DMD: variants seen among roughly 807,000 people sequenced by gnomAD.
The protein encoded by DMD is dystrophin, also known as mutant dystrophin.
DMD carries 63 observed loss-of-function variants against 330.1 expected under a neutral mutation model. The observed-to-expected ratio is 0.19, with a 90% CI of 0.16 to 0.24. The LOEUF is 0.24. Ranked by LOEUF, DMD falls within the 10% of genes least tolerant of loss-of-function variation. The probability of loss-of-function intolerance (pLI) is 1.00; values close to 1 mark genes in which losing one functional copy is unlikely to be tolerated. For synonymous variants in DMD, 1,223 were observed against 959.8 expected (o/e 1.27, Z -5.07); for missense variants, 3,344 against 2,684.1 (o/e 1.25, Z -5.43).
At chrX:32,432,284 A>T (rs2098241550) in intron 29 of DMD, among the ~76,000 whole-genome samples, 2 of 111,527 alleles carry the variant, frequency 1.8e-5, no homozygotes, top group Non-Finnish European at 3.8e-5. Flanking sequence ...CCAGAGGATC[A>T]TATTTCTTTT....
chrX:31,498,136 C>G (rs1387226153), intron 56 of DMD, among the ~76,000 whole-genome samples: 1 of 111,611 alleles, frequency 9.0e-6, no homozygotes, highest in Non-Finnish European at 1.9e-5. Context: ...AAGACAATGA[C>G]CCACAGGCTT....
rs2079485585 is a variant in DMD, at chrX:31,637,530, C to T, written c.8028-9668G>A. Among the ~76,000 whole-genome samples, 2 of 110,844 alleles carry T rather than the reference C, an allele frequency of 1.8e-5. 1 individual carries two copies. The highest frequency in any genetic ancestry group is 6.5e-5 in the African/African-American group (2 of 30,535). Reference sequence around the variant, plus strand: ...TTACTATAGTCTGGATATTCATCATCGTCATCACCATTCATCAACCACAAC... The same window carrying T: ...TTACTATAGTCTGGATATTCATCATTGTCATCACCATTCATCAACCACAAC... On this transcript the variant is annotated intron_variant, in intron 54 of 78. Transcript: ENST00000357033.
At chrX:32,344,656 A>T (rs1194888504) in intron 39 of DMD, among the ~76,000 whole-genome samples, 1 of 111,451 alleles carries the variant, frequency 9.0e-6, no homozygotes, top group East Asian at 2.8e-4. Context: ...GTGGTCATCA[A>T]TCTGAAACAT....
chrX:32,682,379 G>A (rs770110043), intron 9 of DMD, among the ~76,000 whole-genome samples: 39 of 111,304 alleles, frequency 3.5e-4, no homozygotes, highest in Non-Finnish European at 3.8e-4. Context: ...CATGTGTCCC[G>A]TGACCGACTG....
At chrX:32,087,942 G>T (rs2096451131) in intron 44 of DMD, among the ~76,000 whole-genome samples, 1 of 112,180 alleles carries the variant, frequency 8.9e-6, no homozygotes, top group South Asian at 3.7e-4. Flanking sequence ...AATCTGACAT[G>T]AATTCTATAA....
rs181100727 is a variant in DMD, at chrX:31,813,954, T to A, written c.7309+6021A>T. Among the ~76,000 whole-genome samples the A allele has an allele frequency of 1.9e-4, 21 of 111,562 alleles. No individual in the cohort carries two copies. The East Asian group carries it at 5.9e-3, about 32-fold the overall frequency. On this transcript the variant is annotated intron_variant, in intron 50 of 78. Transcript: ENST00000357033. Reference sequence around the variant, plus strand: ...TGTCCCTTTATTTAGGTATTGTCTGTGGCTTTTAGTATACAATGACAGAGT... The same window carrying A: ...TGTCCCTTTATTTAGGTATTGTCTGAGGCTTTTAGTATACAATGACAGAGT...
At chrX:32,351,707 GC>G (rs1301504629) in intron 37 of DMD, among the ~76,000 whole-genome samples, 5 of 110,345 alleles carry the variant, frequency 4.5e-5, no homozygotes, top group Non-Finnish European at 5.7e-5. Flanking sequence ...ATTTCAAGGA[GC>G]TTTTTTAGTG....
chrX:32,758,090 A>T (rs965919153), intron 7 of DMD, among the ~76,000 whole-genome samples: 1 of 112,095 alleles, frequency 8.9e-6, no homozygotes, highest in Non-Finnish European at 1.9e-5. Flanking sequence ...CAACAATGTT[A>T]TCTTTATTAG....
chrX:32,305,283 T>C (rs1157134963), intron 42 of DMD, among the ~76,000 whole-genome samples: 2 of 111,386 alleles, frequency 1.8e-5, no homozygotes, highest in South Asian at 3.7e-4. Context: ...AGGAGAAAGA[T>C]CTTAACCAGT....
chrX:31,258,266 C>T (rs745752479), intron 63 of DMD, among the ~76,000 whole-genome samples: 4 of 112,515 alleles, frequency 3.6e-5, no homozygotes, highest in East Asian at 5.6e-4. Flanking sequence ...AGCCTGGCTT[C>T]GCTGTCCTGT....
At chrX:32,504,972 G>A (rs1328215060) in intron 18 of DMD, among the ~76,000 whole-genome samples, 1 of 112,049 alleles carries the variant, frequency 8.9e-6, no homozygotes, top group Non-Finnish European at 1.9e-5. Flanking sequence ...TTGTGTAACT[G>A]CTTGAAAGTA....
chrX:32,358,763 C>T (rs1286946178), intron 37 of DMD, among the ~76,000 whole-genome samples: 1 of 111,070 alleles, frequency 9.0e-6, no homozygotes, highest in Non-Finnish European at 1.9e-5. Context: ...ATCAGCAATT[C>T]TTTCATTTTT....
intron 13 of DMD, among the ~76,000 whole-genome samples, chrX:32,593,046 G>C (rs189338749): frequency 8.9e-6 from 1 of 112,755 alleles, no homozygotes; most frequent in Admixed American, 9.3e-5. Context: ...TCTGTGCCTG[G>C]CTTGCCCTTG....
At chrX:33,014,125 A>G (rs1198952943) in intron 2 of DMD, among the ~76,000 whole-genome samples, 2 of 111,680 alleles carry the variant, frequency 1.8e-5, no homozygotes, top group Non-Finnish European at 3.8e-5. Context: ...GAAATTTGCA[A>G]TCAGTCAGAT....
intron 55 of DMD, among the ~76,000 whole-genome samples, chrX:31,541,699 G>GAT (rs2073838208): frequency 2.7e-5 from 3 of 110,553 alleles, no homozygotes; most frequent in Non-Finnish European, 3.8e-5. Flanking sequence ...AGTATTCCAT[G>GAT]ATATATATGT....
At chrX:32,902,567 T>C (rs1267193796) in intron 2 of DMD, among the ~76,000 whole-genome samples, 1 of 110,801 alleles carries the variant, frequency 9.0e-6, no homozygotes, top group Admixed American at 9.6e-5. Flanking sequence ...TGAACTCTTA[T>C]AAAGCATTCA....
intron 44 of DMD, among the ~76,000 whole-genome samples, chrX:31,972,994 G>A (rs985292991): frequency 8.0e-5 from 9 of 111,899 alleles, no homozygotes; most frequent in Admixed American, 3.8e-4. Flanking sequence ...CTAATTATTA[G>A]AAAATATAGC....
At chrX:33,322,452 T>G (rs375269422) in intron 1 of DMD, among the ~76,000 whole-genome samples, 123 of 111,110 alleles carry the variant, frequency 1.1e-3, no homozygotes, top group African/African-American at 3.9e-3. Flanking sequence ...AGTTTGTTAT[T>G]TCATATGGGC....
chrX:33,314,570 G>GTTTTTTT (rs1170142842), intron 1 of DMD, among the ~76,000 whole-genome samples: 1 of 79,052 alleles, frequency 1.3e-5, no homozygotes, highest in Non-Finnish European at 2.3e-5. Flanking sequence ...TTTTTTTTTT[G>GTTTTTTT]TTTTTTTTTT....
Sources: gnomAD v4.1 joint callset for allele counts (sites outside exome capture counted in the v4.1 genomes callset) on GRCh38, gnomAD v4.1.1 for gene constraint, MANE v1.5 for transcripts, NCBI Gene and HGNC (gene_info 2026-07-23, HGNC 2026-07-21) for gene names.